The following ANKRD11 variants were observed in gnomAD, a reference collection of about 807,000 sequenced individuals.
The protein encoded by ANKRD11 is ankyrin repeat domain-containing protein 11.
ANKRD11 carries 17 observed loss-of-function variants against 195.7 expected under a neutral mutation model. The observed-to-expected ratio is 0.09, with a 90% CI of 0.06 to 0.13. The LOEUF is 0.13. ANKRD11 is among the 10% of genes least tolerant of loss of function. The probability of loss-of-function intolerance (pLI) is 1.00; values close to 1 mark genes in which losing one functional copy is unlikely to be tolerated. For missense variants in ANKRD11, 3,735 were observed against 3,566.1 expected (o/e 1.05, Z -1.21); for synonymous variants, 1,953 against 1,528.1 (o/e 1.28, Z -6.49).
intron 2 of ANKRD11, among the ~76,000 whole-genome samples, chr16:89,376,315 G>A (rs1013163319): frequency 2.0e-5 from 3 of 152,192 alleles, no homozygotes; most frequent in African/African-American, 7.2e-5. Flanking sequence ...GTTTTAGAAC[G>A]TTTGGCTTTA....
chr16:89,285,941 G>C lies in ANKRD11; in HGVS notation c.892+98C>G. 6.3e-7 allele frequency: 1 copy of C among 1,580,260 alleles called. No individual in the cohort carries two copies. ...CTCCTGTAAGCCCCCAGCATCCGAG[G>C]AGGAGCTGATCAGAGGGGCAACACT... On this transcript the variant is annotated intron_variant, in intron 8 of 12. Coordinates refer to ENST00000301030, the MANE Select transcript of ANKRD11 (RefSeq NM_013275.6). This position sits in a 1 kb window ranked among gnomAD's most constrained non-coding sequence, Gnocchi z 5.6.
chr16:89,359,914 G>A (rs1425149332), intron 2 of ANKRD11, among the ~76,000 whole-genome samples: 1 of 151,916 alleles, frequency 6.6e-6, no homozygotes, highest in Non-Finnish European at 1.5e-5. Context: ...TAACTTTTAG[G>A]TTCGGGGGCA....
intron 2 of ANKRD11, among the ~76,000 whole-genome samples, chr16:89,335,847 G>A (rs1184259398): frequency 6.6e-6 from 1 of 152,172 alleles, no homozygotes; most frequent in Non-Finnish European, 1.5e-5. Flanking sequence ...CCCTACAGCT[G>A]GTGCTTCTAA....
chr16:89,307,212 G>A (rs1262081893), intron 3 of ANKRD11, among the ~76,000 whole-genome samples: 3 of 152,300 alleles, frequency 2.0e-5, no homozygotes, highest in South Asian at 2.1e-4. Flanking sequence ...TCAGAGCACC[G>A]GAGGCCTCAG....
At chr16:89,348,866 T>C (rs950570286) in intron 2 of ANKRD11, among the ~76,000 whole-genome samples, 3 of 150,212 alleles carry the variant, frequency 2.0e-5, no homozygotes, top group East Asian at 3.9e-4. Flanking sequence ...ACCAGTTTTA[T>C]TGTCTTTAAA....
chr16:89,390,350 A>C (rs10775346), intron 2 of ANKRD11, among the ~76,000 whole-genome samples: 35 of 132,716 alleles, frequency 2.6e-4, no homozygotes, highest in Non-Finnish European at 8.3e-5. Context: ...TGGGGCGAAC[A>C]CCGAGTGTGG....
Position 89,284,162 on chromosome 16 carries a change from TCTTCTC to T in ANKRD11, c.2374_2379del (p.Glu792_Lys793del). ...AGTTTTTCTTTATCTTCTTTAAAAA[TCTTCTC>T]CTTCTCTTTTGAAATTTTGTCCTCT... On this transcript the variant is annotated inframe_deletion, in exon 9 of 13. Coordinates refer to ENST00000301030, the MANE Select transcript of ANKRD11 (RefSeq NM_013275.6). 2 of 1,605,004 alleles carry T rather than the reference TCTTCTC, an allele frequency of 1.2e-6. No individual in the cohort carries two copies. Among genetic ancestry groups the T allele is most frequent in the Non-Finnish European group, 1.7e-6 (2 of 1,177,714 alleles).
intron 2 of ANKRD11, among the ~76,000 whole-genome samples, chr16:89,319,469 T>C (rs2151928179): frequency 1.3e-5 from 2 of 152,342 alleles, no homozygotes; most frequent in East Asian, 3.9e-4. Context: ...AGGTGTACGC[T>C]GTGTTTTCTG....
intron 1 of ANKRD11, among the ~76,000 whole-genome samples, chr16:89,489,773 G>A (rs895089819): frequency 7.6e-6 from 1 of 130,940 alleles, no homozygotes; most frequent in African/African-American, 2.9e-5. Context: ...GCCGCTCCGA[G>A]CCCCCGAGGC....
Position 89,418,354 on chromosome 16 carries a change from A to T in ANKRD11, c.-130T>A. 1 of 451,830 alleles carries T rather than the reference A, an allele frequency of 2.2e-6. No homozygotes were observed. 28.0% of individuals were successfully genotyped at this position (451,830 alleles called of 1,614,324 possible). On this transcript the variant is annotated 5_prime_UTR_variant, in exon 2 of 13. Transcript: ENST00000301030. The stretch of plus-strand genomic sequence containing the variant: ...ATCCAATGGAGGTGTGTCCCAGAGC[A>T]GGGCTGTATATATTCTGAAACAAGA...
chr16:89,387,210 A>G (rs2040951436), intron 2 of ANKRD11, among the ~76,000 whole-genome samples: 1 of 151,864 alleles, frequency 6.6e-6, no homozygotes, highest in Non-Finnish European at 1.5e-5. Context: ...AACACACAGG[A>G]AGATCTGGAG....
rs963622923 is a variant in ANKRD11 at position 89,282,266 on chromosome 16, C to T, written c.4276G>A (p.Glu1426Lys). ...TCGGAATCATTTTTATCTTTCTTTT[C>T]GGTAGAAAACAATTCAATGGTTTTA... The part of the protein sequence containing the change: ...LDKTIELFST[E>K]KKDKNDSERE... The change falls in exon 9 of 13, where the codon GAA becomes AAA. Residue 1426 changes from glutamate to lysine, a missense_variant. Transcript: ENST00000301030. 3 of 1,613,930 alleles carry T rather than the reference C, an allele frequency of 1.9e-6. No individual in the cohort carries two copies. The highest frequency in any genetic ancestry group is 2.5e-6 in the Non-Finnish European group (3 of 1,180,008).
chr16:89,300,079 G>T (rs1392836177), intron 4 of ANKRD11: 2 of 214,034 alleles, frequency 9.3e-6, no homozygotes, highest in East Asian at 4.0e-4. Flanking sequence ...GGGTGCGTGG[G>T]GTCTGTGCCC....
Position 89,438,771 on chromosome 16 carries a change from C to T in ANKRD11, c.-144-20403G>A, listed in dbSNP as rs560966336. Among the ~76,000 whole-genome samples the T allele has an allele frequency of 4.9e-4, 74 of 152,056 alleles. 1 individual carries two copies. In the South Asian group the frequency reaches 0.015, roughly 30 times the overall value. ...TCAAATGTTACTGCATTTAGGAGGC[C>T]GAGGTGGGAGGACTGCTTGATCCCA... On this transcript the variant is annotated intron_variant, in intron 1 of 12. Coordinates refer to ENST00000301030, the MANE Select transcript of ANKRD11 (RefSeq NM_013275.6).
chr16:89,468,976 C>A (rs2056976937), intron 1 of ANKRD11, among the ~76,000 whole-genome samples: 1 of 152,172 alleles, frequency 6.6e-6, no homozygotes, highest in Non-Finnish European at 1.5e-5. Flanking sequence ...AATGTCCATT[C>A]CTGATACTTA....
rs1357055550 is a variant in ANKRD11 at position 89,283,614 on chromosome 16, C to G, written c.2928G>C (p.Leu976=). 3.1e-6 allele frequency: 5 copies of G among 1,610,174 alleles called. No individual in the cohort carries two copies. In the East Asian group the frequency reaches 1.1e-4, roughly 36 times the overall value. ...AKPEEAHREE[L]KECGCESGFK... ...AGCCACTCTCGCAGCCACACTCCTTCAGCTCCTCCCGGTGCGCCTCCTCGG... is the reference window on the plus strand; with the variant it reads ...AGCCACTCTCGCAGCCACACTCCTTGAGCTCCTCCCGGTGCGCCTCCTCGG... The change falls in exon 9 of 13, where the codon CTG becomes CTC. Residue 976 remains leucine (L), a synonymous_variant. Coordinates refer to ENST00000301030, the MANE Select transcript of ANKRD11 (RefSeq NM_013275.6). This position sits in a 1 kb window ranked among gnomAD's most constrained non-coding sequence, Gnocchi z 4.3.
chr16:89,360,939 C>T (rs973072515), intron 2 of ANKRD11, among the ~76,000 whole-genome samples: 3 of 152,156 alleles, frequency 2.0e-5, no homozygotes, highest in African/African-American at 7.2e-5. Flanking sequence ...TGTGTCGGGA[C>T]TTGGCCACTG....
At chr16:89,421,728 C>T (rs967954776) in intron 1 of ANKRD11, among the ~76,000 whole-genome samples, 2 of 131,800 alleles carry the variant, frequency 1.5e-5, no homozygotes, top group African/African-American at 3.0e-5. Context: ...GGGTGAGACA[C>T]GAAGGGTCGG....
At chr16:89,428,367 T>TG (rs2042817031) in intron 1 of ANKRD11, among the ~76,000 whole-genome samples, 2 of 150,614 alleles carry the variant, frequency 1.3e-5, no homozygotes, top group African/African-American at 4.9e-5. Context: ...CTACTAAAAA[T>TG]ACAAAAAAAT....
Sources: gnomAD v4.1 joint callset for allele counts (sites outside exome capture counted in the v4.1 genomes callset) on GRCh38, gnomAD v4.1.1 for gene constraint, Gnocchi (gnomAD v3.1) non-coding constraint, MANE v1.5 for transcripts, NCBI Gene and HGNC (gene_info 2026-07-23, HGNC 2026-07-21) for gene names.